The following COX7B2 variants were observed in gnomAD, a reference collection of about 807,000 sequenced individuals.
The protein encoded by COX7B2 is cytochrome c oxidase subunit 7B2.
For synonymous variants in COX7B2, 37 were observed against 32.1 expected, an observed-to-expected ratio of 1.15 and a Z score of -0.51; for missense variants, 109 against 95.9, an observed-to-expected ratio of 1.14 and a Z score of -0.57.
intron 2 of COX7B2, among the ~76,000 whole-genome samples, chr4:46,805,218 C>A (rs1718935696): frequency 6.6e-6 from 1 of 152,232 alleles, no homozygotes; most frequent in African/African-American, 2.4e-5. Flanking sequence ...TGGCCTTGGC[C>A]AGCCCAGAAA....
intron 1 of COX7B2, among the ~76,000 whole-genome samples, chr4:46,895,333 T>G (rs1719693196): frequency 1.3e-5 from 2 of 152,188 alleles, no homozygotes; most frequent in Admixed American, 1.3e-4. Context: ...ACCCTGTCTT[T>G]TGTGGGAACA....
chr4:46,787,301 G>A (rs1480484532), intron 2 of COX7B2, among the ~76,000 whole-genome samples: 2 of 152,092 alleles, frequency 1.3e-5, no homozygotes, highest in Non-Finnish European at 2.9e-5. Context: ...TACAAAGTTA[G>A]CCAGGCGTGG....
At chr4:46,839,107 T>C (rs1715751167) in intron 2 of COX7B2, among the ~76,000 whole-genome samples, 1 of 152,010 alleles carries the variant, frequency 6.6e-6, no homozygotes, top group South Asian at 2.1e-4. Context: ...TATGGTCTGC[T>C]TCTGGCTTTT....
At chr4:46,755,479 G>A (rs1715731613) in intron 2 of COX7B2, among the ~76,000 whole-genome samples, 1 of 151,824 alleles carries the variant, frequency 6.6e-6, no homozygotes, top group Non-Finnish European at 1.5e-5. Context: ...AATCGGGCAA[G>A]AGAAAAAAAT....
intron 2 of COX7B2, among the ~76,000 whole-genome samples, chr4:46,805,752 A>T (rs1177002752): frequency 1.3e-5 from 2 of 151,958 alleles, no homozygotes; most frequent in Non-Finnish European, 2.9e-5. Context: ...GATCAATGTA[A>T]TTTTTGATAT....
chr4:46,805,001 C>T (rs879821334), intron 2 of COX7B2, among the ~76,000 whole-genome samples: 9 of 152,270 alleles, frequency 5.9e-5, no homozygotes, highest in South Asian at 2.1e-4. Flanking sequence ...AGCTAAGGCC[C>T]GGCAAGAAGT....
At chr4:46,823,282 T>C (rs1285619374) in intron 2 of COX7B2, among the ~76,000 whole-genome samples, 2 of 151,458 alleles carry the variant, frequency 1.3e-5, no homozygotes, top group African/African-American at 4.8e-5. Context: ...TTTTATATAT[T>C]ATATATTATA....
intron 1 of COX7B2, among the ~76,000 whole-genome samples, chr4:46,880,450 A>C (rs1430894999): frequency 7.2e-5 from 5 of 69,424 alleles, no homozygotes; most frequent in African/African-American, 2.8e-4. Flanking sequence ...TAGGCTATTT[A>C]TTACTTACTC....
At chr4:46,900,384 A>G (rs1335146912) in intron 1 of COX7B2, among the ~76,000 whole-genome samples, 1 of 152,134 alleles carries the variant, frequency 6.6e-6, no homozygotes, top group African/African-American at 2.4e-5. Context: ...TTGCCCTTAA[A>G]TAAGCAGAGA....
chr4:46,776,393 AGTGTGTGTGT>A (rs34113475), intron 2 of COX7B2, among the ~76,000 whole-genome samples: 2 of 146,530 alleles, frequency 1.4e-5, no homozygotes, highest in Admixed American at 6.8e-5. Context: ...GTAGTTTCAG[AGTGTGTGTGT>A]GTGTGTGTGT....
chr4:46,796,300 C>A (rs930341682), intron 2 of COX7B2, among the ~76,000 whole-genome samples: 2 of 148,808 alleles, frequency 1.3e-5, no homozygotes, highest in African/African-American at 5.1e-5. Flanking sequence ...GGAATGCTTC[C>A]AGTTTTTGCC....
At chr4:46,779,765 TA>T (rs74987818) in intron 2 of COX7B2, among the ~76,000 whole-genome samples, 1,838 of 144,048 alleles carry the variant, frequency 0.013, 26 homozygotes, top group African/African-American at 0.041. Flanking sequence ...ATAAAAAAAT[TA>T]AAAAAAAAAA....
At chr4:46,781,968 C>T (rs1363896393) in intron 2 of COX7B2, among the ~76,000 whole-genome samples, 1 of 152,184 alleles carries the variant, frequency 6.6e-6, no homozygotes, top group Non-Finnish European at 1.5e-5. Flanking sequence ...CCTGTGCAGC[C>T]CGAGCCTCCC....
At chr4:46,870,606 C>G (rs768223354) in intron 1 of COX7B2, among the ~76,000 whole-genome samples, 11 of 152,136 alleles carry the variant, frequency 7.2e-5, no homozygotes, top group Non-Finnish European at 1.6e-4. Flanking sequence ...CCCAAAAGCT[C>G]TGCCAGCTGA....
chr4:46,874,062 G>T (rs560834537), intron 1 of COX7B2, among the ~76,000 whole-genome samples: 20 of 152,182 alleles, frequency 1.3e-4, no homozygotes, highest in Middle Eastern at 3.4e-3. Flanking sequence ...AAATCTATTG[G>T]CTTGCAGATT....
intron 2 of COX7B2, among the ~76,000 whole-genome samples, chr4:46,835,956 C>A (rs1466092064): frequency 6.6e-6 from 1 of 151,858 alleles, no homozygotes; most frequent in Admixed American, 6.6e-5. Context: ...ATTTATGTAC[C>A]TAAACATGTC....
chr4:46,803,730 TTC>T (rs374360649), intron 2 of COX7B2, among the ~76,000 whole-genome samples: 6 of 128,270 alleles, frequency 4.7e-5, no homozygotes, highest in African/African-American at 1.7e-4. Flanking sequence ...CTGGTTTACT[TTC>T]TTTTTTTTTT....
chr4:46,743,112 G>A (rs1714810892), intron 2 of COX7B2, among the ~76,000 whole-genome samples: 1 of 152,126 alleles, frequency 6.6e-6, no homozygotes, highest in Non-Finnish European at 1.5e-5. Context: ...GTCACACTGT[G>A]AGTCAGTGTC....
intron 2 of COX7B2, among the ~76,000 whole-genome samples, chr4:46,804,549 C>G (rs1718870428): frequency 1.3e-5 from 2 of 152,160 alleles, no homozygotes; most frequent in Admixed American, 6.5e-5. Flanking sequence ...CACAAAGGTT[C>G]TCCAACTCCC....
Sources: allele counts gnomAD v4.1 joint callset (sites outside exome capture counted in the v4.1 genomes callset), GRCh38; gene constraint gnomAD v4.1.1; transcripts MANE v1.5; gene names NCBI Gene and HGNC (gene_info 2026-07-23, HGNC 2026-07-21).